The following VPS35L variants were observed in gnomAD, a reference collection of about 807,000 sequenced individuals.
VPS35L encodes the protein VPS35 endosomal protein sorting factor like.
VPS35L carries 83 observed loss-of-function variants against 133.0 expected under a neutral mutation model. The observed-to-expected ratio is 0.62, with a 90% confidence interval of 0.52 to 0.75. VPS35L has a LOEUF of 0.75. Among genes scored for constraint, VPS35L ranks in the 30% least tolerant of loss-of-function variants. VPS35L has a pLI of 0.00. For synonymous variants in VPS35L, 423 were observed against 449.9 expected, an observed-to-expected ratio of 0.94 and a Z score of 0.76; for missense variants, 1,083 against 1,206.8, an observed-to-expected ratio of 0.90 and a Z score of 1.52.
chr16:19,693,796 T>G (rs754243587), intron 29 of VPS35L, among the ~76,000 whole-genome samples: 55 of 148,708 alleles, frequency 3.7e-4, no homozygotes, highest in Admixed American at 2.5e-3. Flanking sequence ...AAAAAAATTT[T>G]AAATTACCCG....
intron 1 of VPS35L, among the ~76,000 whole-genome samples, chr16:19,559,007 G>A (rs1379820550): frequency 2.0e-5 from 3 of 151,858 alleles, no homozygotes; most frequent in Non-Finnish European, 4.4e-5. Flanking sequence ...GAAGGGGGCT[G>A]GGTAATATTG....
At chr16:19,668,692 TG>T (rs1314244291) in intron 26 of VPS35L, among the ~76,000 whole-genome samples, 2 of 152,170 alleles carry the variant, frequency 1.3e-5, no homozygotes, top group Non-Finnish European at 2.9e-5. Flanking sequence ...CAAACTGACC[TG>T]GGTTTGAGCT....
intron 8 of VPS35L, among the ~76,000 whole-genome samples, chr16:19,592,970 G>A (rs1313257600): frequency 1.3e-5 from 2 of 152,102 alleles, no homozygotes. Flanking sequence ...ACAGGCATGA[G>A]CCACTGTGCC....
intron 27 of VPS35L, among the ~76,000 whole-genome samples, chr16:19,676,144 C>G (rs1196737886): frequency 2.0e-5 from 3 of 152,066 alleles, no homozygotes; most frequent in Admixed American, 1.3e-4. Context: ...CCCAGCTGCT[C>G]AGGAGGCTGA....
Position 19,608,206 on chromosome 16 carries a change from C to T in VPS35L, c.813C>T (p.Asp271=). 1.2e-6 allele frequency: 2 copies of T among 1,613,328 alleles called. No homozygotes were observed. Among genetic ancestry groups the T allele is most frequent in the South Asian group, 1.1e-5 (1 of 91,044 alleles). Residue 271 remains aspartate (D), a synonymous_variant, in exon 10 of 31, where the codon GAC becomes GAT. Coordinates refer to ENST00000417362, the MANE Select transcript of VPS35L (RefSeq NM_020314.7). ...ACTTTTCTCCAGAGAATGCAAATGA[C>T]ACGGCCAAGGAAACATGCCTAAATT... ...PDHFSPENAN[D]TAKETCLNWF...
chr16:19,689,040 C>CTTTT lies in VPS35L; in HGVS notation c.2528-2299_2528-2296dup, dbSNP rs766276644. ...AGCGCCCCCTTACCCGGTGTCTCTTCTTTTTTTTTTTTTTTTTGAGATGGA... is the reference window on the plus strand; with the variant it reads ...AGCGCCCCCTTACCCGGTGTCTCTTCTTTTTTTTTTTTTTTTTTTTTGAGATGGA... On this transcript the variant is annotated intron_variant, in intron 28 of 30. Coordinates refer to ENST00000417362, the MANE Select transcript of VPS35L (RefSeq NM_020314.7). Among the ~76,000 whole-genome samples the CTTTT allele has an allele frequency of 4.6e-3, 613 of 134,662 alleles. 2 individuals are homozygous for CTTTT. Among genetic ancestry groups the CTTTT allele is most frequent in the African/African-American group, 0.016 (597 of 36,392 alleles). The allele number at this position is 134,662 out of a possible 152,430, so 88.3% of individuals were successfully genotyped here.
chr16:19,591,813 C>A lies in VPS35L; in HGVS notation c.663C>A (p.Thr221=). The part of the protein sequence containing the change: ...VIQCSKLLSD[T]SVIQFYPSKF... ...AGTGTTCAAAGCTTCTTTCAGACAC[C>A]AGTGTTATTCAGTTCTACCCAAGCA... The change falls in exon 8 of 31, where the codon ACC becomes ACA. Residue 221 remains threonine (T), a synonymous_variant. Coordinates refer to ENST00000417362, the MANE Select transcript of VPS35L (RefSeq NM_020314.7). 1 of 1,612,232 alleles carries A rather than the reference C, an allele frequency of 6.2e-7. No homozygotes were observed. The highest frequency in any genetic ancestry group is 8.5e-7 in the Non-Finnish European group (1 of 1,178,872).
intron 9 of VPS35L, 68 bp from the exon 10 acceptor site, chr16:19,608,110 C>A (rs1180957749): frequency 8.5e-7 from 1 of 1,175,448 alleles, no homozygotes; most frequent in Non-Finnish European, 1.3e-6. Context: ...GTAATGTATT[C>A]CCATCCAGGG....
chr16:19,595,906 G>A (rs902738990), intron 8 of VPS35L, among the ~76,000 whole-genome samples: 2 of 152,184 alleles, frequency 1.3e-5, no homozygotes, highest in African/African-American at 2.4e-5. Context: ...AGCACTTTGG[G>A]AGACCAAGGT....
At chr16:19,663,482 A>T in intron 26 of VPS35L, among the ~76,000 whole-genome samples, 1 of 151,684 alleles carries the variant, frequency 6.6e-6, no homozygotes, top group East Asian at 1.9e-4. Flanking sequence ...ATAGGCTCAC[A>T]CGTATACAGC....
At chr16:19,604,226 T>G (rs1337614085) in intron 9 of VPS35L, among the ~76,000 whole-genome samples, 1 of 152,076 alleles carries the variant, frequency 6.6e-6, no homozygotes, top group Non-Finnish European at 1.5e-5. Context: ...TTAAAAATTT[T>G]CATATTTACC....
chr16:19,555,871 T>C (rs983426669), intron 1 of VPS35L, 125 bp downstream of exon 1: 24 of 1,362,896 alleles, frequency 1.8e-5, no homozygotes, highest in Non-Finnish European at 2.4e-5. Flanking sequence ...CACCCCCAAG[T>C]TGTCTTGACC....
chr16:19,642,533 A>ATTAGGT, intron 22 of VPS35L, 57 bp downstream of exon 22: 9 of 1,381,604 alleles, frequency 6.5e-6, no homozygotes, highest in African/African-American at 1.4e-5. Context: ...GCCACCTAAT[A>ATTAGGT]GGACATTAGG....
chr16:19,568,157 G>A (rs935496943), intron 2 of VPS35L, among the ~76,000 whole-genome samples: 2 of 152,014 alleles, frequency 1.3e-5, no homozygotes, highest in Non-Finnish European at 2.9e-5. Flanking sequence ...TATTATTAAG[G>A]ATATTACAAA....
intron 26 of VPS35L, among the ~76,000 whole-genome samples, chr16:19,668,113 T>G (rs1449181336): frequency 1.3e-5 from 2 of 152,210 alleles, no homozygotes; most frequent in Non-Finnish European, 2.9e-5. Flanking sequence ...CCCAGGAAAG[T>G]GAGCATTTGC....
rs11865875 is a variant in VPS35L, at chr16:19,697,270, T to A, written c.2647-2232T>A. Among the ~76,000 whole-genome samples, 923 of 152,068 alleles carry A rather than the reference T, an allele frequency of 6.1e-3. 12 individuals are homozygous for A. Among genetic ancestry groups the A allele is most frequent in the African/African-American group, 0.021 (872 of 41,480 alleles). On this transcript the variant is annotated intron_variant, in intron 29 of 30. Transcript: ENST00000417362. Reference sequence around the variant, plus strand: ...AAGGCAGGCTCAATTTTGCCCGGAGTGGGGAGGGGAGGTGCCGAAGAGTCT... The same window carrying A: ...AAGGCAGGCTCAATTTTGCCCGGAGAGGGGAGGGGAGGTGCCGAAGAGTCT...
intron 7 of VPS35L, among the ~76,000 whole-genome samples, chr16:19,583,920 G>A (rs1005483971): frequency 3.3e-5 from 5 of 152,032 alleles, no homozygotes; most frequent in Non-Finnish European, 5.9e-5. Flanking sequence ...CCACTTCTAT[G>A]AGCTCAACTT....
intron 4 of VPS35L, 116 bp from the exon 5 acceptor site, chr16:19,574,981 AT>A (rs1213900267): frequency 4.6e-6 from 4 of 868,274 alleles, no homozygotes; most frequent in Non-Finnish European, 6.9e-6. Context: ...TAGTGACTGT[AT>A]TTTTCTTCTT....
At chr16:19,683,636 CT>C (rs1176832049) in intron 28 of VPS35L, among the ~76,000 whole-genome samples, 1 of 152,312 alleles carries the variant, frequency 6.6e-6, no homozygotes, top group South Asian at 2.1e-4. Context: ...TGATTTCATT[CT>C]TTTTTAGGGC....
Sources: gnomAD v4.1 joint callset for allele counts (sites outside exome capture counted in the v4.1 genomes callset) on GRCh38, gnomAD v4.1.1 for gene constraint, MANE v1.5 for transcripts, NCBI Gene and HGNC (gene_info 2026-07-23, HGNC 2026-07-21) for gene names.